The following ZNF765 variants were observed in gnomAD, a reference collection of about 807,000 sequenced individuals.
The protein encoded by ZNF765 is zinc finger protein 765.
In ZNF765, 37 loss-of-function variants were observed where a neutral mutation model predicts 44.7. The observed-to-expected ratio is 0.83, with a 90% CI of 0.64 to 1.09. The LOEUF is 1.09. Among genes scored for constraint, ZNF765 ranks in the 50% least tolerant of loss-of-function variants. ZNF765 has a pLI of 0.00. For missense variants in ZNF765, 594 were observed against 626.1 expected, an observed-to-expected ratio of 0.95 and a Z score of 0.55; for synonymous variants, 201 against 213.7, an observed-to-expected ratio of 0.94 and a Z score of 0.52.
At chr19:53,398,276 A>G (rs921216810) in intron 2 of ZNF765, among the ~76,000 whole-genome samples, 9 of 152,028 alleles carry the variant, frequency 5.9e-5, no homozygotes, top group African/African-American at 1.9e-4. Flanking sequence ...ATGGATGGAG[A>G]TGGGGTGAGG....
intron 3 of ZNF765, among the ~76,000 whole-genome samples, chr19:53,418,443 C>T (rs2085887634): frequency 6.6e-6 from 1 of 152,138 alleles, no homozygotes; most frequent in Non-Finnish European, 1.5e-5. Context: ...TACACAGAAC[C>T]ACAATCCCAT....
chr19:53,402,299 C>T, intron 3 of ZNF765, 108 bp downstream of exon 3: 1 of 1,494,758 alleles, frequency 6.7e-7, no homozygotes. Context: ...CTCTGTCGCC[C>T]AGGCTGGAGT....
Position 53,409,993 on chromosome 19 carries a change from A to G in ZNF765, c.*866A>G. The G allele has an allele frequency of 3.7e-6, 2 of 538,870 alleles. No homozygotes were observed. Among genetic ancestry groups the G allele is most frequent in the Non-Finnish European group, 7.3e-6 (2 of 272,318 alleles). 33.4% of individuals were successfully genotyped at this position (538,870 alleles called of 1,614,324 possible). A position where few individuals can be genotyped will look rare whatever the true frequency, so the allele number is the denominator to read the frequency against. ...ATTGGAGAATCCATAATGAAGAGAG[A>G]TCCTACAAGTGTGATAAATGCAGAA... is the stretch of plus-strand genomic sequence containing the variant. On this transcript the variant is annotated 3_prime_UTR_variant, in exon 4 of 4. Transcript: ENST00000396408.
At chr19:53,421,364 G>A (rs2085906183) in intron 3 of ZNF765, among the ~76,000 whole-genome samples, 1 of 152,126 alleles carries the variant, frequency 6.6e-6, no homozygotes, top group Admixed American at 6.6e-5. Context: ...CTTATGCTGA[G>A]TGCCGGTCCC....
intron 3 of ZNF765, among the ~76,000 whole-genome samples, chr19:53,404,789 C>T (rs2085759505): frequency 6.6e-6 from 1 of 152,144 alleles, no homozygotes; most frequent in Non-Finnish European, 1.5e-5. Context: ...CACGTAATTG[C>T]TATAGATGGC....
chr19:53,415,619 C>T (rs1467241014), downstream of ZNF765, among the ~76,000 whole-genome samples: 1 of 152,148 alleles, frequency 6.6e-6, no homozygotes, highest in East Asian at 1.9e-4. Flanking sequence ...TACTACAGCA[C>T]TCATTTATTT....
At position 53,410,943 on chromosome 19, in the gene ZNF765, A is replaced by G. The variant is rs566157126; in HGVS notation, c.*1816A>G. On this transcript the variant is annotated 3_prime_UTR_variant, in exon 4 of 4. Coordinates refer to ENST00000396408, the MANE Select transcript of ZNF765 (RefSeq NM_001040185.3). ...ATCTTATAAATGTCATCAGTGTGCC[A>G]AAGTCTTCAGTCTGAGCTCACTCCT... The G allele has an allele frequency of 1.2e-5, 5 of 415,026 alleles. No individual in the cohort carries two copies. The highest frequency in any genetic ancestry group is 8.8e-5 in the Admixed American group (3 of 33,914). The allele number at this position is 415,026 out of a possible 1,614,324, so 25.7% of individuals were successfully genotyped here.
At chr19:53,414,460 CACACACACACACACACACACACACACA>C (rs2085859172), downstream of ZNF765, among the ~76,000 whole-genome samples, 6 of 13,336 alleles carry the variant, frequency 4.5e-4, no homozygotes, top group Non-Finnish European at 1.2e-3. Context: ...CACACACACA[CACACACACACACACACACACACACACA>C]CACCCCCCCC....
In ZNF765 at chr19:53,408,144, C is replaced by T. The variant is rs1435039393; in HGVS notation, c.589C>T (p.Leu197=). The part of the protein sequence containing the change: ...HISNDYGNNF[L]NSSLFTQKQE... ...TTCTAATGACTATGGGAATAATTTCCTGAATTCTTCATTATTCACACAAAA... is the reference window on the plus strand; with the variant it reads ...TTCTAATGACTATGGGAATAATTTCTTGAATTCTTCATTATTCACACAAAA... Residue 197 remains leucine, a synonymous_variant, in exon 4 of 4, where the codon CTG becomes TTG. Transcript: ENST00000396408. 45 of 1,613,904 alleles carry T rather than the reference C, an allele frequency of 2.8e-5. No individual in the cohort carries two copies. Among genetic ancestry groups the T allele is most frequent in the Non-Finnish European group, 3.6e-5 (42 of 1,179,922 alleles).
At chr19:53,417,181 G>A (rs2085880333) in intron 3 of ZNF765, among the ~76,000 whole-genome samples, 1 of 152,096 alleles carries the variant, frequency 6.6e-6, no homozygotes, top group Non-Finnish European at 1.5e-5. Flanking sequence ...TGTTACATAG[G>A]TAAACGTGTG....
In ZNF765 at chr19:53,410,693, A is replaced by G; in HGVS notation, c.*1566A>G. 2 of 447,284 alleles carry G rather than the reference A, an allele frequency of 4.5e-6. No individual in the cohort carries two copies. Among genetic ancestry groups the G allele is most frequent in the South Asian group, 3.5e-5 (2 of 57,926 alleles). 27.7% of individuals were successfully genotyped at this position (447,284 alleles called of 1,614,324 possible). A position where few individuals can be genotyped will look rare whatever the true frequency, so the allele number is the denominator to read the frequency against. On this transcript the variant is annotated 3_prime_UTR_variant, in exon 4 of 4. Coordinates refer to ENST00000396408, the MANE Select transcript of ZNF765 (RefSeq NM_001040185.3). ...TCATACTAGTTTAATAAATTTGGCA[A>G]ATTTTTCAGACATTGTTCATAACTT... is the stretch of plus-strand genomic sequence containing the variant.
At chr19:53,425,318 T>TC in exon 4 of ZNF765, 1 of 149,524 alleles carries the variant, frequency 6.7e-6, no homozygotes, top group East Asian at 2.0e-4. Flanking sequence ...AAGTCCTACT[T>TC]TTTTTTTTCA....
Position 53,409,378 on chromosome 19 carries a change from G to C in ZNF765, c.*251G>C, listed in dbSNP as rs546782269. On this transcript the variant is annotated 3_prime_UTR_variant, in exon 4 of 4. Transcript: ENST00000396408. ...AGTGGAGAGACCTTACAAATGTGAAGAATGTGAAGAAGCTTTCTGTTTCAA... is the reference window on the plus strand; with the variant it reads ...AGTGGAGAGACCTTACAAATGTGAACAATGTGAAGAAGCTTTCTGTTTCAA... 1 of 835,080 alleles carries C rather than the reference G, an allele frequency of 1.2e-6. No homozygotes were observed. Among genetic ancestry groups the C allele is most frequent in the South Asian group, 1.4e-5 (1 of 73,578 alleles). 51.7% of individuals were successfully genotyped at this position (835,080 alleles called of 1,614,324 possible).
At chr19:53,415,677 T>A (rs1279252457), downstream of ZNF765, among the ~76,000 whole-genome samples, 1 of 152,214 alleles carries the variant, frequency 6.6e-6, no homozygotes, top group African/African-American at 2.4e-5. Context: ...CTGGGTACTC[T>A]GTCTAGTCTC....
exon 4 of ZNF765, chr19:53,423,241 C>T (rs1439608014): frequency 1.5e-6 from 1 of 687,554 alleles, no homozygotes; most frequent in East Asian, 2.9e-5. Context: ...ATGCACGTGA[C>T]CGGCAAGTGG....
downstream of ZNF765, among the ~76,000 whole-genome samples, chr19:53,416,267 A>G (rs2085874424): frequency 6.6e-6 from 1 of 152,096 alleles, no homozygotes; most frequent in Non-Finnish European, 1.5e-5. Flanking sequence ...GAGGCCAGGC[A>G]TGGTAGCGGG....
intron 3 of ZNF765, among the ~76,000 whole-genome samples, chr19:53,405,903 C>A (rs1260358845): frequency 3.1e-4 from 15 of 49,176 alleles, no homozygotes; most frequent in South Asian, 5.8e-4. Flanking sequence ...TTAATACCAA[C>A]TATATATATA....
At chr19:53,399,630 G>A (rs1281092092) in intron 2 of ZNF765, among the ~76,000 whole-genome samples, 1 of 151,446 alleles carries the variant, frequency 6.6e-6, no homozygotes, top group Non-Finnish European at 1.5e-5. Context: ...GCAGTGAGCT[G>A]AGATTGTGCC....
intron 1 of ZNF765, among the ~76,000 whole-genome samples, chr19:53,395,655 C>T (rs577310900): frequency 6.6e-6 from 1 of 152,342 alleles, no homozygotes; most frequent in Admixed American, 6.5e-5. Flanking sequence ...CCGCCGCCTC[C>T]CTCCTTTTGC....
Sources: allele counts gnomAD v4.1 joint callset (sites outside exome capture counted in the v4.1 genomes callset), GRCh38; gene constraint gnomAD v4.1.1; transcripts MANE v1.5; gene names NCBI Gene and HGNC (gene_info 2026-07-23, HGNC 2026-07-21).